The following PARVG variants were observed in gnomAD, a reference collection of about 807,000 sequenced individuals.
PARVG encodes the protein parvin gamma, also known as gamma-parvin.
In PARVG, 36 loss-of-function variants were observed where a neutral mutation model predicts 44.4. The ratio of observed to expected loss-of-function variants is 0.81; its 90% confidence interval spans 0.62 to 1.07. PARVG has a LOEUF of 1.07. Among genes scored for constraint, PARVG ranks in the 50% least tolerant of loss-of-function variants. The pLI is 0.00. For missense variants in PARVG, 407 were observed against 407.4 expected, an observed-to-expected ratio of 1.00 and a Z score of 0.01; for synonymous variants, 170 against 174.1, an observed-to-expected ratio of 0.98 and a Z score of 0.19.
At chr22:44,188,139 C>T in intron 5 of PARVG, 1 of 539,390 alleles carries the variant, frequency 1.9e-6, no homozygotes, top group Non-Finnish European at 3.4e-6. Context: ...CACTGCCTCT[C>T]TAACACTTAT....
intron 1 of PARVG, among the ~76,000 whole-genome samples, chr22:44,173,408 G>A (rs1049224662): frequency 7.9e-5 from 12 of 152,252 alleles, no homozygotes; most frequent in Non-Finnish European, 8.8e-5. Context: ...CCTGCCCTCC[G>A]TGCTGGCCCT....
intron 11 of PARVG, among the ~76,000 whole-genome samples, 194 bp downstream of exon 11, chr22:44,196,609 G>GT (rs891942779): frequency 6.6e-6 from 1 of 151,884 alleles, no homozygotes; most frequent in African/African-American, 2.4e-5. Context: ...GGGATCCCGG[G>GT]GGTGGAGGTG....
intron 6 of PARVG, among the ~76,000 whole-genome samples, chr22:44,189,497 A>T (rs1321340669): frequency 2.0e-5 from 3 of 152,168 alleles, no homozygotes; most frequent in Non-Finnish European, 4.4e-5. Flanking sequence ...GCCCAAGGAT[A>T]GCAAACAGTC....
intron 11 of PARVG, among the ~76,000 whole-genome samples, chr22:44,197,064 G>T (rs2054628623): frequency 6.6e-6 from 1 of 152,176 alleles, no homozygotes; most frequent in African/African-American, 2.4e-5. Context: ...TCTGCTGGAT[G>T]CCAGTGGCCT....
At position 44,206,468 on chromosome 22, in the gene PARVG, G is replaced by C. The variant is rs1398592128; in HGVS notation, c.*42G>C. On this transcript the variant is annotated 3_prime_UTR_variant, in exon 14 of 14. Transcript: ENST00000444313. The stretch of plus-strand genomic sequence containing the variant: ...AGCCCAGAGCCTGCCTGTCAGCCCA[G>C]CTGGAGGGCCCGAGGCTGCAGGGTG... 2 of 1,583,818 alleles carry C rather than the reference G, an allele frequency of 1.3e-6. No individual in the cohort carries two copies. The highest frequency in any genetic ancestry group is 1.3e-5 in the African/African-American group (1 of 74,250).
At position 44,196,591 on chromosome 22, in the gene PARVG, G is replaced by A. The variant is rs536166873; in HGVS notation, c.711+176G>A. ...CTGGCAGGCAGCAGTGGTCACCAGG[G>A]ACATGGTGGGATCCCGGGGGTGGAG... On this transcript the variant is annotated intron_variant, in intron 11 of 13. Transcript: ENST00000444313. 5.1e-5 allele frequency among the ~76,000 whole-genome samples: 7 copies of A among 136,964 alleles called. No homozygotes were observed. In the East Asian group the frequency reaches 1.5e-3, roughly 30 times the overall value. 89.9% of individuals were successfully genotyped at this position (136,964 alleles called of 152,430 possible).
At chr22:44,186,734 TC>T in intron 4 of PARVG, 1 of 455,688 alleles carries the variant, frequency 2.2e-6, no homozygotes, top group Non-Finnish European at 4.5e-6. Context: ...TGGGAGGTTA[TC>T]CCAGGGGTCA....
intron 12 of PARVG, 86 bp downstream of exon 12, chr22:44,198,808 TC>T: frequency 9.1e-7 from 1 of 1,098,656 alleles, no homozygotes; most frequent in Non-Finnish European, 1.4e-6. Flanking sequence ...TTTATTCACT[TC>T]CAGGTGAAGT....
At chr22:44,186,126 A>G in intron 4 of PARVG, 1 of 356,380 alleles carries the variant, frequency 2.8e-6, no homozygotes, top group Non-Finnish European at 5.5e-6. Flanking sequence ...ATTTGAGGGG[A>G]ATCTATTATC....
At position 44,181,937 on chromosome 22, in the gene PARVG, C is replaced by G. The variant is rs538355414; in HGVS notation, c.-13+20C>G. 95 of 985,576 alleles carry G rather than the reference C, an allele frequency of 9.6e-5. No individual in the cohort carries two copies. In the African/African-American group the frequency reaches 1.4e-3, roughly 15 times the overall value. 61.1% of individuals were successfully genotyped at this position (985,576 alleles called of 1,614,324 possible). ...GGTTGGGTGAGTTCTGGCATCGGGG[C>G]CACCATACTTGAGTGTTGGGGGTCA... On this transcript the variant is annotated intron_variant, in intron 2 of 13. Coordinates refer to ENST00000444313, the MANE Select transcript of PARVG (RefSeq NM_022141.7).
intron 5 of PARVG, 106 bp from the exon 6 acceptor site, chr22:44,189,008 C>T (rs1569181127): frequency 1.4e-6 from 2 of 1,476,086 alleles, no homozygotes; most frequent in Non-Finnish European, 1.9e-6. Flanking sequence ...CTCTCCAGAC[C>T]CATGTTCCCT....
chr22:44,198,945 CCCATCCATCCATCCAT>C (rs1292696321), intron 12 of PARVG, among the ~76,000 whole-genome samples: 6 of 23,054 alleles, frequency 2.6e-4, no homozygotes, highest in African/African-American at 4.1e-4. Context: ...CATCCACCCA[CCCATCCATCCATCCAT>C]CCATCCATCC....
chr22:44,196,068 A>G lies in PARVG; in HGVS notation c.584-87A>G, dbSNP rs966560720. 19 of 1,476,998 alleles carry G rather than the reference A, an allele frequency of 1.3e-5. No homozygotes were observed. In the African/African-American group the frequency reaches 2.6e-4, roughly 21 times the overall value. The allele number at this position is 1,476,998 out of a possible 1,614,324, so 91.5% of individuals were successfully genotyped here. A position where few individuals can be genotyped will look rare whatever the true frequency, so the allele number is the denominator to read the frequency against. On this transcript the variant is annotated intron_variant, in intron 9 of 13. Transcript: ENST00000444313. ...CAGCTCCCTCTGGACTGGTTATTCTAAGAAACTTTTGTGAAAAAAAAAATT... is the reference window on the plus strand; with the variant it reads ...CAGCTCCCTCTGGACTGGTTATTCTGAGAAACTTTTGTGAAAAAAAAAATT...
intron 5 of PARVG, chr22:44,188,757 G>A (rs2054509105): frequency 7.5e-6 from 2 of 267,576 alleles, no homozygotes; most frequent in South Asian, 1.2e-4. Context: ...TAACCACTAG[G>A]CCACACTGCC....
rs962558854 is a variant in PARVG, at chr22:44,200,877, C to T, written c.813+2155C>T. On this transcript the variant is annotated intron_variant, in intron 12 of 13. Coordinates refer to ENST00000444313, the MANE Select transcript of PARVG (RefSeq NM_022141.7). ...CTCCACCTAGGCCCTTCTTCTAGGCCGCTCCCCTTAACCTTCCTGGACACC... is the reference window on the plus strand; with the variant it reads ...CTCCACCTAGGCCCTTCTTCTAGGCTGCTCCCCTTAACCTTCCTGGACACC... 5.3e-5 allele frequency among the ~76,000 whole-genome samples: 8 copies of T among 152,204 alleles called. No homozygotes were observed. The South Asian group carries it at 6.2e-4, about 12-fold the overall frequency.
chr22:44,202,142 G>C (rs114243508), intron 12 of PARVG, among the ~76,000 whole-genome samples: 2,433 of 152,374 alleles, frequency 0.016, 67 homozygotes, highest in African/African-American at 0.056. Context: ...GTTGAGAGAG[G>C]CACAGAAGTC....
chr22:44,186,619 T>C (rs79478), intron 4 of PARVG: 428,317 of 471,138 alleles, frequency 0.91, 196,563 homozygotes, highest in Middle Eastern at 0.97. Context: ...GGACACCATC[T>C]GTGGTCTTGC....
In PARVG at chr22:44,189,183, TC is replaced by T. The variant is rs2054515350; in HGVS notation, c.318del (p.Thr107GlnfsTer7). 2 of 1,613,990 alleles carry T rather than the reference TC, an allele frequency of 1.2e-6. No individual in the cohort carries two copies. The highest frequency in any genetic ancestry group is 1.7e-6 in the Non-Finnish European group (2 of 1,180,030). On this transcript the variant is annotated frameshift_variant, in exon 6 of 14. Transcript: ENST00000444313. LOFTEE classifies it high-confidence loss of function. ...ALTATSQKHK[L>X]TVVLEAVNRS... ...ACAGCCACAAGCCAGAAGCACAAGC[TC>T]ACAGTGGTGCTGGAGGCCGTGAACC...
At chr22:44,198,073 T>C (rs1281946558) in intron 11 of PARVG, among the ~76,000 whole-genome samples, 1 of 152,208 alleles carries the variant, frequency 6.6e-6, no homozygotes, top group African/African-American at 2.4e-5. Flanking sequence ...GAAGCAGACT[T>C]AATATGAGGA....
Sources: allele counts gnomAD v4.1 joint callset (sites outside exome capture counted in the v4.1 genomes callset), GRCh38; gene constraint gnomAD v4.1.1; transcripts MANE v1.5; gene names NCBI Gene and HGNC (gene_info 2026-07-23, HGNC 2026-07-21).